The following IFT52 variants were observed in gnomAD, a reference collection of about 807,000 sequenced individuals.
The protein encoded by IFT52 is intraflagellar transport protein 52 homolog.
IFT52 carries 44 observed loss-of-function variants against 54.4 expected under a neutral mutation model. The observed-to-expected ratio is 0.81, with a 90% CI of 0.63 to 1.04. The LOEUF (loss-of-function observed/expected upper bound fraction) is 1.04, where lower values mean the gene tolerates loss of function less well. Among genes scored for constraint, IFT52 ranks in the 50% least tolerant of loss-of-function variants. The pLI is 0.00. For missense variants in IFT52, 452 were observed against 523.6 expected (o/e 0.86, Z 1.33); for synonymous variants, 181 against 185.3 (o/e 0.98, Z 0.19).
chr20:43,637,229 C>T lies in IFT52; in HGVS notation c.1096C>T (p.Arg366Trp), dbSNP rs147160105. ...LDETFSSEKA[R>W]LAQITNKCTE... ...TGAAACGTTCTCCTCTGAGAAGGCA[C>T]GGCTGGCTCAGATTACCAATAAGTG... Residue 366 changes from arginine (R) to tryptophan (W), a missense_variant, in exon 12 of 14, where the codon CGG becomes TGG. Transcript: ENST00000373030. 33 of 1,576,278 alleles carry T rather than the reference C, an allele frequency of 2.1e-5. No homozygotes were observed. Among genetic ancestry groups the T allele is most frequent in the Non-Finnish European group, 2.7e-5 (31 of 1,167,242 alleles).
At chr20:43,605,943 G>A (rs1413153922) in intron 6 of IFT52, among the ~76,000 whole-genome samples, 1 of 152,082 alleles carries the variant, frequency 6.6e-6, no homozygotes, top group Non-Finnish European at 1.5e-5. Context: ...TTTTATAGCC[G>A]GGTGTGGTAG....
At position 43,618,978 on chromosome 20, in the gene IFT52, C is replaced by G; in HGVS notation, c.651C>G (p.His217Gln). 6.2e-7 allele frequency: 1 copy of G among 1,613,982 alleles called. No individual in the cohort carries two copies. The highest frequency in any genetic ancestry group is 8.5e-7 in the Non-Finnish European group (1 of 1,179,924). ...AGCTGGCAGTGCTTGGTTCATGTCACATGTTCAGTGATCAATATTTGGACA... is the reference window on the plus strand; with the variant it reads ...AGCTGGCAGTGCTTGGTTCATGTCAGATGTTCAGTGATCAATATTTGGACA... ...GGKLAVLGSC[H>Q]MFSDQYLDKE... is the part of the protein sequence containing the mutation. The change falls in exon 8 of 14, where the codon CAC becomes CAG. Residue 217 changes from histidine (H) to glutamine (Q), a missense_variant. By Grantham distance (24) the His-to-Gln change is conservative. Coordinates refer to ENST00000373030, the MANE Select transcript of IFT52 (RefSeq NM_016004.5).
At chr20:43,622,110 C>G (rs1224728340) in intron 9 of IFT52, among the ~76,000 whole-genome samples, 1 of 152,100 alleles carries the variant, frequency 6.6e-6, no homozygotes, top group Non-Finnish European at 1.5e-5. Flanking sequence ...GATTTCCTGG[C>G]CATTGGTCAT....
chr20:43,596,347 C>T (rs1198521316), intron 2 of IFT52, 88 bp from the exon 3 acceptor site: 1 of 802,828 alleles, frequency 1.2e-6, no homozygotes, highest in Non-Finnish European at 2.0e-6. Context: ...TCTGTGGCCT[C>T]TGCTTCCAAA....
chr20:43,596,537 C>T lies in IFT52; in HGVS notation c.207+15C>T, dbSNP rs1233744682. On this transcript the variant is annotated intron_variant, in intron 3 of 13. Coordinates refer to ENST00000373030, the MANE Select transcript of IFT52 (RefSeq NM_016004.5). ...CTGCAGCTGAGGTAAGAAATATCCA[C>T]TAAAGAAGGAATATGGTGAAATGAT... The T allele has an allele frequency of 2.2e-5, 33 of 1,519,890 alleles. No homozygotes were observed. Among genetic ancestry groups the T allele is most frequent in the Non-Finnish European group, 2.6e-5 (28 of 1,096,424 alleles). The allele number at this position is 1,519,890 out of a possible 1,614,324, so 94.2% of individuals were successfully genotyped here.
chr20:43,626,925 G>A (rs536198201), intron 10 of IFT52, among the ~76,000 whole-genome samples: 1 of 152,268 alleles, frequency 6.6e-6, no homozygotes, highest in South Asian at 2.1e-4. Flanking sequence ...AGCACTTTGG[G>A]AGGCCGAGGT....
At chr20:43,614,641 A>G (rs1226035488) in intron 7 of IFT52, among the ~76,000 whole-genome samples, 3 of 151,934 alleles carry the variant, frequency 2.0e-5, no homozygotes, top group Non-Finnish European at 4.4e-5. Context: ...TCAGGAACAG[A>G]TGGAGTTAAC....
chr20:43,604,861 G>A (rs972036825), intron 5 of IFT52, 141 bp from the exon 6 acceptor site: 40 of 719,226 alleles, frequency 5.6e-5, no homozygotes, highest in Non-Finnish European at 9.3e-5. Context: ...ATGCAGTGGT[G>A]GGAACACAGT....
rs1414337464 is a variant in IFT52, at chr20:43,609,352, T to C, written c.485+4279T>C. 2.0e-5 allele frequency among the ~76,000 whole-genome samples: 3 copies of C among 152,340 alleles called. No individual in the cohort carries two copies. The East Asian group carries it at 5.8e-4, about 29-fold the overall frequency. The stretch of plus-strand genomic sequence containing the variant: ...GAGGGTGGGGATTATTTGTGTATAG[T>C]AAAAGTGGCATTTCAAATATTAGAG... On this transcript the variant is annotated intron_variant, in intron 6 of 13. Coordinates refer to ENST00000373030, the MANE Select transcript of IFT52 (RefSeq NM_016004.5).
At chr20:43,613,133 G>A (rs1983588217) in intron 6 of IFT52, among the ~76,000 whole-genome samples, 2 of 152,214 alleles carry the variant, frequency 1.3e-5, no homozygotes, top group Non-Finnish European at 2.9e-5. Flanking sequence ...GTCCATTATA[G>A]CGTATATTTA....
rs747521490 is a variant in IFT52, at chr20:43,603,798, T to C, written c.246T>C (p.Asp82=). 12 of 1,610,938 alleles carry C rather than the reference T, an allele frequency of 7.4e-6. No individual in the cohort carries two copies. The highest frequency in any genetic ancestry group is 3.4e-5 in the Admixed American group (2 of 59,574). The change falls in exon 4 of 14, where the codon GAT becomes GAC. Residue 82 remains aspartate (D), a synonymous_variant. Transcript: ENST00000373030. ...AGAAATATCTTGACACTGGTGGAGA[T>C]GTCTTTGTGATGCTAGGAGAAGGTG... ...ILKKYLDTGG[D]VFVMLGEGGE... is the part of the protein sequence containing the mutation.
intron 3 of IFT52, among the ~76,000 whole-genome samples, chr20:43,599,640 T>C (rs1474519546): frequency 6.6e-6 from 1 of 152,182 alleles, no homozygotes; most frequent in Non-Finnish European, 1.5e-5. Context: ...GCTGCTGGCC[T>C]CCTAGACTGT....
chr20:43,624,075 T>G (rs201512821), intron 10 of IFT52, 30 bp downstream of exon 10: 6 of 1,607,632 alleles, frequency 3.7e-6, no homozygotes, highest in East Asian at 2.2e-5. Context: ...TGAGCCACAC[T>G]GCACTCCATT....
chr20:43,637,158 G>C lies in IFT52; in HGVS notation c.1025G>C (p.Ser342Thr), dbSNP rs1280075678. 1.2e-6 allele frequency: 2 copies of C among 1,610,496 alleles called. No individual in the cohort carries two copies. The change falls in exon 12 of 14, where the codon AGT becomes ACT. Residue 342 changes from serine (S) to threonine (T), a missense_variant. Physicochemically the swap from Ser to Thr is moderately conservative, Grantham distance 58. Coordinates refer to ENST00000373030, the MANE Select transcript of IFT52 (RefSeq NM_016004.5). ...ATTTCCTTTTAGGTTTTTCCTCCCA[G>C]TTTCCGGGAGTTACCACCTCCTCCT... Reference protein sequence around the residue: ...PTLQPAVFPPSFRELPPPPLE... With the variant: ...PTLQPAVFPPTFRELPPPPLE...
chr20:43,605,198 A>C, intron 6 of IFT52, 125 bp downstream of exon 6: 1 of 1,474,190 alleles, frequency 6.8e-7, no homozygotes, highest in Non-Finnish European at 9.0e-7. Flanking sequence ...CAAGAGGAAA[A>C]AAGTAGAAGC....
intron 7 of IFT52, among the ~76,000 whole-genome samples, chr20:43,614,873 A>T (rs1283076186): frequency 6.9e-6 from 1 of 145,852 alleles, no homozygotes; most frequent in African/African-American, 2.6e-5. Flanking sequence ...CAGTGGCATG[A>T]TCTTGGCTCA....
In IFT52 at chr20:43,623,996, G is replaced by A. The variant is rs1984535901; in HGVS notation, c.874G>A (p.Asp292Asn). Residue 292 changes from aspartate (D) to asparagine (N), a missense_variant, in exon 10 of 14, where the codon GAC becomes AAC. Transcript: ENST00000373030. ...CCCAAGGGACTTTACCACCCTCTTC[G>A]ACCTGTCCATCTTCCAGCTGGATAC... is the stretch of plus-strand genomic sequence containing the variant. ...EIPRDFTTLF[D>N]LSIFQLDTTS... 1.2e-6 allele frequency: 2 copies of A among 1,613,954 alleles called. No individual in the cohort carries two copies. The highest frequency in any genetic ancestry group is 8.5e-7 in the Non-Finnish European group (1 of 1,180,034).
At chr20:43,632,816 T>TA (rs941351447) in intron 10 of IFT52, among the ~76,000 whole-genome samples, 2 of 151,704 alleles carry the variant, frequency 1.3e-5, no homozygotes, top group South Asian at 2.1e-4. Context: ...TGAAAAGAAA[T>TA]AAAAAAAACA....
intron 6 of IFT52, among the ~76,000 whole-genome samples, chr20:43,607,389 C>T (rs1410805544): frequency 6.7e-6 from 1 of 149,652 alleles, no homozygotes; most frequent in African/African-American, 2.5e-5. Context: ...GGCTGCCGGG[C>T]GGAGGGGCTC....
Sources: allele counts gnomAD v4.1 joint callset (sites outside exome capture counted in the v4.1 genomes callset), GRCh38; gene constraint gnomAD v4.1.1; transcripts MANE v1.5; gene names NCBI Gene and HGNC (gene_info 2026-07-23, HGNC 2026-07-21).